Variants in EIF2B3 observed in about 807,000 individuals in gnomAD.
The protein encoded by EIF2B3 is eukaryotic translation initiation factor 2B subunit gamma, also known as translation initiation factor eIF2B subunit gamma.
A neutral mutation model predicts 54.1 loss-of-function variants in EIF2B3; 20 were observed. The observed-to-expected ratio is 0.37, with a 90% CI of 0.26 to 0.54. The LOEUF (loss-of-function observed/expected upper bound fraction) is 0.54. EIF2B3 is among the 20% of genes least tolerant of loss of function. The pLI is 0.86. For synonymous variants in EIF2B3, 153 were observed against 188.1 expected, an observed-to-expected ratio of 0.81 and a Z score of 1.52; for missense variants, 448 against 547.8, an observed-to-expected ratio of 0.82 and a Z score of 1.82.
At position 44,881,915 on chromosome 1, in the gene EIF2B3, G is replaced by A. The variant is rs1002107821; in HGVS notation, c.657-176C>T. Among the ~76,000 whole-genome samples, 6 of 152,188 alleles carry A rather than the reference G, an allele frequency of 3.9e-5. No individual in the cohort carries two copies. Among genetic ancestry groups the A allele is most frequent in the Non-Finnish European group, 8.8e-5 (6 of 68,038 alleles). On this transcript the variant is annotated intron_variant, in intron 6 of 11. Transcript: ENST00000360403. This position sits in a 1 kb window ranked among gnomAD's most constrained non-coding sequence, Gnocchi z 4.0. The stretch of plus-strand genomic sequence containing the variant: ...TCGGAGAAGCAGAGTGCTTCCTGGT[G>A]GGTACTGAGACAGGATGTTGGGTCT...
chr1:44,921,605 T>C (rs1233235618), intron 5 of EIF2B3, among the ~76,000 whole-genome samples: 2 of 152,228 alleles, frequency 1.3e-5, no homozygotes, highest in African/African-American at 4.8e-5. Context: ...CTTTTGCATA[T>C]GGATATCCAG....
intron 3 of EIF2B3, among the ~76,000 whole-genome samples, chr1:44,942,635 C>G (rs1040507628): frequency 6.7e-6 from 1 of 148,542 alleles, no homozygotes; most frequent in Non-Finnish European, 1.5e-5. Context: ...CCTATGTTGC[C>G]TAGGCTAGTC....
intron 3 of EIF2B3, among the ~76,000 whole-genome samples, chr1:44,976,134 AAACTTTTCTTC>A (rs1417974740): frequency 6.6e-6 from 1 of 152,224 alleles, no homozygotes; most frequent in Non-Finnish European, 1.5e-5. Context: ...TCATCATTAA[AAACTTTTCTTC>A]AAGAGACACC....
At chr1:44,875,995 G>C (rs1187112980) in intron 8 of EIF2B3, among the ~76,000 whole-genome samples, 1 of 152,208 alleles carries the variant, frequency 6.6e-6, no homozygotes, top group South Asian at 2.1e-4. Context: ...TGTGTTGGCC[G>C]GGCTGGTCTC....
intron 11 of EIF2B3, among the ~76,000 whole-genome samples, chr1:44,851,341 A>G (rs1654261667): frequency 6.6e-6 from 1 of 152,122 alleles, no homozygotes; most frequent in Non-Finnish European, 1.5e-5. Context: ...CTGGGATTAC[A>G]GGTATGAGCC....
rs1569651089 is a variant in EIF2B3 at position 44,897,237 on chromosome 1, G to C, written c.656+118C>G. On this transcript the variant is annotated intron_variant, in intron 6 of 11. Transcript: ENST00000360403. ...TCTAAAACAAAAATGAGAACTAACT[G>C]TGCTATTGTGCTAATTTTAGAAACT... 6 of 734,634 alleles carry C rather than the reference G, an allele frequency of 8.2e-6. No homozygotes were observed. In the Admixed American group the frequency reaches 1.3e-4, roughly 16 times the overall value. The allele number at this position is 734,634 out of a possible 1,614,324, so 45.5% of individuals were successfully genotyped here. A position where few individuals can be genotyped will look rare whatever the true frequency, so the allele number is the denominator to read the frequency against.
intron 4 of EIF2B3, among the ~76,000 whole-genome samples, chr1:44,935,452 T>C (rs1643937121): frequency 6.6e-6 from 1 of 152,238 alleles, no homozygotes; most frequent in African/African-American, 2.4e-5. Context: ...TCGTCTTTAC[T>C]GTTTGATGTT....
At chr1:44,924,708 T>C (rs1186865589) in intron 5 of EIF2B3, among the ~76,000 whole-genome samples, 2 of 152,030 alleles carry the variant, frequency 1.3e-5, no homozygotes, top group Non-Finnish European at 2.9e-5. Flanking sequence ...TTTGGTTCTA[T>C]AATATCCTCT....
At chr1:44,917,756 T>C (rs1221397911) in intron 5 of EIF2B3, among the ~76,000 whole-genome samples, 2 of 10,906 alleles carry the variant, frequency 1.8e-4, no homozygotes, top group Non-Finnish European at 3.5e-4. Flanking sequence ...AATAACACTC[T>C]TTTTTTTTTT....
intron 4 of EIF2B3, among the ~76,000 whole-genome samples, chr1:44,937,975 G>C (rs139466524): frequency 1.9e-5 from 2 of 105,266 alleles, no homozygotes; most frequent in East Asian, 5.8e-4. Flanking sequence ...ATTTGATCCT[G>C]CCCTCTTAGT....
At chr1:44,980,956 CA>C (rs1426100597) in intron 2 of EIF2B3, 64 bp downstream of exon 2, 1 of 1,600,210 alleles carries the variant, frequency 6.2e-7, no homozygotes, top group East Asian at 2.2e-5. Context: ...ATAACGCTGA[CA>C]AATCATGGGG....
At chr1:44,919,430 C>G (rs867118739) in intron 5 of EIF2B3, among the ~76,000 whole-genome samples, 1 of 151,756 alleles carries the variant, frequency 6.6e-6, no homozygotes, top group African/African-American at 2.4e-5. Context: ...TGTGGTTTGC[C>G]TTGGTGTGAA....
At chr1:44,980,247 G>A (rs1360150220) in intron 2 of EIF2B3, among the ~76,000 whole-genome samples, 4 of 152,030 alleles carry the variant, frequency 2.6e-5, no homozygotes, top group South Asian at 2.1e-4. Flanking sequence ...GGCAGATCAC[G>A]AGGTCCTGAG....
At chr1:44,960,112 G>A (rs1644268274) in intron 3 of EIF2B3, among the ~76,000 whole-genome samples, 1 of 152,064 alleles carries the variant, frequency 6.6e-6, no homozygotes, top group South Asian at 2.1e-4. Context: ...TTATGTCAGT[G>A]AATGAGAGTA....
chr1:44,881,803 C>T lies in EIF2B3; in HGVS notation c.657-64G>A. On this transcript the variant is annotated intron_variant, in intron 6 of 11. Coordinates refer to ENST00000360403, the MANE Select transcript of EIF2B3 (RefSeq NM_020365.5). The surrounding 1 kb of genome is among the most constrained non-coding windows in gnomAD (Gnocchi z 4.0). ...GTCTGGAACATACCCGGATCAAAAG[C>T]TCTGTGCATACAAGGAAAAGCCAAA... 1 of 1,601,516 alleles carries T rather than the reference C, an allele frequency of 6.2e-7. No homozygotes were observed. The highest frequency in any genetic ancestry group is 8.5e-7 in the Non-Finnish European group (1 of 1,172,452).
intron 4 of EIF2B3, among the ~76,000 whole-genome samples, chr1:44,927,352 G>A (rs1035624453): frequency 2.6e-5 from 4 of 152,140 alleles, no homozygotes; most frequent in African/African-American, 9.7e-5. Flanking sequence ...GGTAAAGCGA[G>A]AGCAGGCTGG....
intron 4 of EIF2B3, among the ~76,000 whole-genome samples, chr1:44,931,530 C>T (rs1227216611): frequency 1.3e-5 from 2 of 152,216 alleles, no homozygotes; most frequent in East Asian, 1.9e-4. Context: ...TACACTTAGG[C>T]CAAACTGCCA....
At chr1:44,986,297 T>C (rs180672242) in intron 1 of EIF2B3, among the ~76,000 whole-genome samples, 196 bp downstream of exon 1, 118 of 152,174 alleles carry the variant, frequency 7.8e-4, no homozygotes, top group African/African-American at 2.7e-3. Flanking sequence ...AGTTCCTCCA[T>C]CTGTTGCATA....
intron 3 of EIF2B3, among the ~76,000 whole-genome samples, chr1:44,967,309 T>C (rs2148958026): frequency 6.6e-6 from 1 of 150,416 alleles, no homozygotes; most frequent in African/African-American, 2.4e-5. Context: ...TAGCCAGGCA[T>C]GGTGGCTCAC....
Sources: allele counts gnomAD v4.1 joint callset (sites outside exome capture counted in the v4.1 genomes callset), GRCh38; gene constraint gnomAD v4.1.1; non-coding constraint Gnocchi (gnomAD v3.1); transcripts MANE v1.5; gene names NCBI Gene and HGNC (gene_info 2026-07-23, HGNC 2026-07-21).